CERKL: variants seen among roughly 807,000 people sequenced by gnomAD.
CERKL encodes the protein ceramide kinase-like protein.
Under a neutral mutation model 63.4 loss-of-function variants are expected in CERKL, and 61 were observed. That is an observed-to-expected ratio of 0.96 (90% CI 0.78 to 1.19). CERKL has a LOEUF of 1.19. Ranked by LOEUF, CERKL falls within the 50% of genes most tolerant of loss-of-function variation. The pLI, the probability that CERKL is intolerant of heterozygous loss-of-function variation, is 0.00. For synonymous variants in CERKL, 250 were observed against 230.5 expected, an observed-to-expected ratio of 1.08 and a Z score of -0.77; for missense variants, 675 against 655.5, an observed-to-expected ratio of 1.03 and a Z score of -0.33.
intron 2 of CERKL, among the ~76,000 whole-genome samples, chr2:181,586,936 GA>G (rs772122627): frequency 1.1e-4 from 17 of 152,164 alleles, no homozygotes; most frequent in Non-Finnish European, 2.4e-4. Context: ...ATTTTACACA[GA>G]AAAGCAACCA....
intron 1 of CERKL, among the ~76,000 whole-genome samples, chr2:181,621,670 G>A (rs562585987): frequency 6.6e-6 from 1 of 152,262 alleles, no homozygotes; most frequent in South Asian, 2.1e-4. Flanking sequence ...TAAAGGTGAA[G>A]TTGAGAAAGT....
At chr2:181,584,701 G>A (rs1367933876) in intron 2 of CERKL, among the ~76,000 whole-genome samples, 3 of 151,304 alleles carry the variant, frequency 2.0e-5, no homozygotes, top group African/African-American at 7.3e-5. Context: ...CTGCTTGCCT[G>A]TATCAATTAT....
chr2:181,558,708 A>C lies in CERKL; in HGVS notation c.678T>G (p.Gly226=). ...ATCCATCTCCACCAACACAGACAAC[A>C]CTAGAAAAATACAAATCAAGCAAAG... ...LKECELQGFD[G]VVCVGGDGSA... The change falls in exon 5 of 13, where the codon GGT becomes GGG. Residue 226 remains glycine (G), a splice_region_variant and synonymous_variant. Coordinates refer to ENST00000410087, the MANE Select transcript of CERKL (RefSeq NM_201548.5). This position sits in a 1 kb window ranked among gnomAD's most constrained non-coding sequence, Gnocchi z 4.2. The C allele has an allele frequency of 6.2e-7, 1 of 1,613,478 alleles. No individual in the cohort carries two copies. Among genetic ancestry groups the C allele is most frequent in the Non-Finnish European group, 8.5e-7 (1 of 1,179,698 alleles).
chr2:181,597,048 G>A (rs188350588), intron 2 of CERKL, among the ~76,000 whole-genome samples: 1 of 152,054 alleles, frequency 6.6e-6, no homozygotes, highest in Admixed American at 6.5e-5. Context: ...TTTATTATGT[G>A]GAGGTCTTGG....
At chr2:181,542,724 T>C (rs1687563842) in intron 11 of CERKL, among the ~76,000 whole-genome samples, 1 of 152,174 alleles carries the variant, frequency 6.6e-6, no homozygotes, top group Admixed American at 6.5e-5. Context: ...AACTGTTTCT[T>C]GTGTCAAAAG....
At chr2:181,538,536 T>C (rs1484219053) in intron 12 of CERKL, among the ~76,000 whole-genome samples, 1 of 152,172 alleles carries the variant, frequency 6.6e-6, no homozygotes. Context: ...CCCTGCATGC[T>C]TCTTCTAACC....
chr2:181,565,224 G>A lies in CERKL; in HGVS notation c.677+834C>T, dbSNP rs1407773996. ...AAGTACAGACCTAACTCCCTTTCCT[G>A]ACCTTATGGGTCTTTGCCCCCTGCC... On this transcript the variant is annotated intron_variant, in intron 4 of 12. Transcript: ENST00000410087. Among the ~76,000 whole-genome samples, 3 of 152,118 alleles carry A rather than the reference G, an allele frequency of 2.0e-5. No homozygotes were observed. The South Asian group carries it at 6.2e-4, about 32-fold the overall frequency.
intron 1 of CERKL, among the ~76,000 whole-genome samples, chr2:181,643,089 C>T (rs1440766381): frequency 6.6e-6 from 1 of 152,086 alleles, no homozygotes; most frequent in African/African-American, 2.4e-5. Context: ...AATACAACAC[C>T]CCTCCACACA....
At chr2:181,625,300 C>T (rs986794633) in intron 1 of CERKL, among the ~76,000 whole-genome samples, 2 of 145,522 alleles carry the variant, frequency 1.4e-5, no homozygotes, top group Non-Finnish European at 3.0e-5. Context: ...ACAGGAGATT[C>T]AAGAAGGAAT....
At chr2:181,630,462 CTG>C (rs1686909037) in intron 1 of CERKL, among the ~76,000 whole-genome samples, 1 of 152,160 alleles carries the variant, frequency 6.6e-6, no homozygotes, top group South Asian at 2.1e-4. Flanking sequence ...CCCAGTGTGA[CTG>C]TATTTAGAGA....
rs1302927264 is a variant in CERKL, at chr2:181,553,811, A to C, written c.821-4103T>G. On this transcript the variant is annotated intron_variant, in intron 5 of 12. Coordinates refer to ENST00000410087, the MANE Select transcript of CERKL (RefSeq NM_201548.5). Reference sequence around the variant, plus strand: ...AAGTTTATGAGAAAGTATATGTAAAATTGCAAAACGATAGCTTGTTCTATA... The same window carrying C: ...AAGTTTATGAGAAAGTATATGTAAACTTGCAAAACGATAGCTTGTTCTATA... Among the ~76,000 whole-genome samples, 4 of 152,198 alleles carry C rather than the reference A, an allele frequency of 2.6e-5. No individual in the cohort carries two copies. In the East Asian group the frequency reaches 5.8e-4, roughly 22 times the overall value.
intron 11 of CERKL, among the ~76,000 whole-genome samples, chr2:181,540,962 G>C (rs1027190607): frequency 6.6e-6 from 1 of 152,192 alleles, no homozygotes; most frequent in East Asian, 1.9e-4. Context: ...AGTCTGGAGA[G>C]AGGAAGCATT....
chr2:181,656,718 A>C, intron 1 of CERKL, 51 bp downstream of exon 1: 1 of 1,448,190 alleles, frequency 6.9e-7, no homozygotes, highest in Non-Finnish European at 9.3e-7. Context: ...TGGGCCGGGG[A>C]GAGGGAGGAA....
At chr2:181,639,476 C>G (rs555846067) in intron 1 of CERKL, among the ~76,000 whole-genome samples, 3 of 152,282 alleles carry the variant, frequency 2.0e-5, no homozygotes, top group African/African-American at 7.2e-5. Flanking sequence ...ATTTATCACT[C>G]CCATTTTCTT....
chr2:181,541,632 T>C (rs1043202881), intron 11 of CERKL, among the ~76,000 whole-genome samples: 2 of 152,076 alleles, frequency 1.3e-5, no homozygotes, highest in African/African-American at 4.8e-5. Flanking sequence ...TAAAAAGAGG[T>C]ATGGAAGACA....
intron 4 of CERKL, among the ~76,000 whole-genome samples, chr2:181,559,206 T>C (rs1014514877): frequency 1.3e-5 from 2 of 152,182 alleles, no homozygotes; most frequent in South Asian, 2.1e-4. Context: ...ATGTAGTAAT[T>C]ACAAACCTGA....
intron 11 of CERKL, among the ~76,000 whole-genome samples, chr2:181,544,242 T>C (rs1053899792): frequency 3.9e-5 from 6 of 152,198 alleles, no homozygotes; most frequent in African/African-American, 1.2e-4. Context: ...AAAACTGTCA[T>C]ATTTTTAAAT....
chr2:181,599,427 C>A (rs1390288066), intron 2 of CERKL, among the ~76,000 whole-genome samples: 1 of 151,866 alleles, frequency 6.6e-6, no homozygotes, highest in African/African-American at 2.4e-5. Flanking sequence ...ATCCCAGCTA[C>A]TCCAGAAGGT....
intron 1 of CERKL, among the ~76,000 whole-genome samples, chr2:181,651,561 T>C (rs539279756): frequency 1.6e-3 from 244 of 152,306 alleles, no homozygotes; most frequent in Non-Finnish European, 2.9e-3. Flanking sequence ...GCTAACATCA[T>C]ACTGAATGGG....
Sources: gnomAD v4.1 joint callset for allele counts (sites outside exome capture counted in the v4.1 genomes callset) on GRCh38, gnomAD v4.1.1 for gene constraint, Gnocchi (gnomAD v3.1) non-coding constraint, MANE v1.5 for transcripts, NCBI Gene and HGNC (gene_info 2026-07-23, HGNC 2026-07-21) for gene names.